The following P4HB variants were observed in gnomAD, a reference collection of about 807,000 sequenced individuals.
P4HB encodes the protein prolyl 4-hydroxylase subunit beta.
In P4HB, 20 loss-of-function variants were observed where a neutral mutation model predicts 52.6. The observed-to-expected ratio is 0.38, with a 90% CI of 0.27 to 0.55. The LOEUF is 0.55. P4HB is among the 20% of genes least tolerant of loss of function. The probability of loss-of-function intolerance (pLI) is 0.74; values close to 1 mark genes in which losing one functional copy is unlikely to be tolerated. For synonymous variants in P4HB, 296 were observed against 277.9 expected, an observed-to-expected ratio of 1.07 and a Z score of -0.65; for missense variants, 601 against 669.2, an observed-to-expected ratio of 0.90 and a Z score of 1.12.
chr17:81,849,674 C>T (rs926009981), intron 4 of P4HB, among the ~76,000 whole-genome samples: 3 of 152,108 alleles, frequency 2.0e-5, no homozygotes, highest in Non-Finnish European at 4.4e-5. Context: ...GAGGCTGTGG[C>T]GCCCCAACCA....
rs1442069870 is a variant in P4HB at position 81,855,733 on chromosome 17, C to T, written c.353-147G>A. ...ATGTTCTCCCACCATGGAAGAGGCCCGGTGCCGTCCGCCCGCCTCCTAAAC... is the reference window on the plus strand; with the variant it reads ...ATGTTCTCCCACCATGGAAGAGGCCTGGTGCCGTCCGCCCGCCTCCTAAAC... On this transcript the variant is annotated intron_variant, in intron 2 of 10. Transcript: ENST00000331483. The surrounding 1 kb of genome is among the most constrained non-coding windows in gnomAD (Gnocchi z 4.3). 5 of 883,546 alleles carry T rather than the reference C, an allele frequency of 5.7e-6. No individual in the cohort carries two copies. The highest frequency in any genetic ancestry group is 6.7e-6 in the Non-Finnish European group (4 of 596,834). The allele number at this position is 883,546 out of a possible 1,614,324, so 54.7% of individuals were successfully genotyped here. A position where few individuals can be genotyped will look rare whatever the true frequency, so the allele number is the denominator to read the frequency against.
rs1480796097 is a variant in P4HB, at chr17:81,846,908, C to G, written c.855+39G>C. On this transcript the variant is annotated intron_variant, in intron 6 of 10. Coordinates refer to ENST00000331483, the MANE Select transcript of P4HB (RefSeq NM_000918.4). This position sits in a 1 kb window ranked among gnomAD's most constrained non-coding sequence, Gnocchi z 5.7. ...ACCTCGGGAAGAGTTGTACTGCTCC[C>G]TGGCACCGCCCCACGAGCCACCCAG... is the stretch of plus-strand genomic sequence containing the variant. The G allele has an allele frequency of 6.2e-7, 1 of 1,611,826 alleles. No homozygotes were observed. Among genetic ancestry groups the G allele is most frequent in the South Asian group, 1.1e-5 (1 of 90,954 alleles).
In P4HB at chr17:81,860,383, C is replaced by A; in HGVS notation, c.89G>T (p.Arg30Leu). ...PEEEDHVLVL[R>L]KSNFAEALAA... ...CAGCGCCTCCGCGAAGTTGCTTTTC[C>A]GCAGCACCAGGACGTGGTCCTCCTC... Residue 30 changes from arginine (R) to leucine (L), a missense_variant, in exon 1 of 11, where the codon CGG becomes CTG. By Grantham distance (102) the Arg-to-Leu change is moderately radical (BLOSUM62 -2). Transcript: ENST00000331483. 1 of 1,473,798 alleles carries A rather than the reference C, an allele frequency of 6.8e-7. No individual in the cohort carries two copies. The highest frequency in any genetic ancestry group is 9.0e-7 in the Non-Finnish European group (1 of 1,111,868). The allele number at this position is 1,473,798 out of a possible 1,614,324, so 91.3% of individuals were successfully genotyped here.
At chr17:81,859,080 G>C in intron 2 of P4HB, 101 bp downstream of exon 2, 1 of 1,067,642 alleles carries the variant, frequency 9.4e-7, no homozygotes, top group Non-Finnish European at 1.4e-6. Context: ...CAAGCCTCTG[G>C]AACCCGGCCT....
chr17:81,852,194 C>T (rs1243120012), intron 4 of P4HB, among the ~76,000 whole-genome samples: 1 of 152,208 alleles, frequency 6.6e-6, no homozygotes, highest in Non-Finnish European at 1.5e-5. Flanking sequence ...ACAACAATAA[C>T]AGGCCCAGTG....
In P4HB at chr17:81,846,862, C is replaced by A; in HGVS notation, c.855+85G>T. ...CCCGATCCAGTCCAGCAGGCAGCCT[C>A]AGGAAGGCCCCACACTTGTCACCTC... On this transcript the variant is annotated intron_variant, in intron 6 of 10. Coordinates refer to ENST00000331483, the MANE Select transcript of P4HB (RefSeq NM_000918.4). The surrounding 1 kb of genome is among the most constrained non-coding windows in gnomAD (Gnocchi z 5.7). The A allele has an allele frequency of 6.5e-7, 1 of 1,541,746 alleles. No homozygotes were observed. Among genetic ancestry groups the A allele is most frequent in the South Asian group, 1.1e-5 (1 of 87,092 alleles).
rs1598270529 is a variant in P4HB, at chr17:81,855,734, G to A, written c.353-148C>T. ...TGTTCTCCCACCATGGAAGAGGCCC[G>A]GTGCCGTCCGCCCGCCTCCTAAACC... On this transcript the variant is annotated intron_variant, in intron 2 of 10. Transcript: ENST00000331483. The surrounding 1 kb of genome is among the most constrained non-coding windows in gnomAD (Gnocchi z 4.3). The A allele has an allele frequency of 1.4e-5, 12 of 884,258 alleles. No individual in the cohort carries two copies. The East Asian group carries it at 1.6e-4, about 12-fold the overall frequency. The allele number at this position is 884,258 out of a possible 1,614,324, so 54.8% of individuals were successfully genotyped here. A position where few individuals can be genotyped will look rare whatever the true frequency, so the allele number is the denominator to read the frequency against.
At chr17:81,859,017 G>T in intron 2 of P4HB, 164 bp downstream of exon 2, 1 of 623,916 alleles carries the variant, frequency 1.6e-6, no homozygotes. Flanking sequence ...CTCCTCACAA[G>T]ACCCTCAGGG....
At chr17:81,853,506 G>A (rs1000518078) in intron 4 of P4HB, among the ~76,000 whole-genome samples, 75 of 151,826 alleles carry the variant, frequency 4.9e-4, no homozygotes, top group African/African-American at 1.7e-3. Flanking sequence ...CCCGTGAGGC[G>A]GAGCTTGCAG....
rs1480047974 is a variant in P4HB, at chr17:81,855,049, G to A, written c.624+93C>T. 8 of 1,293,764 alleles carry A rather than the reference G, an allele frequency of 6.2e-6. No individual in the cohort carries two copies. Among genetic ancestry groups the A allele is most frequent in the African/African-American group, 4.4e-5 (3 of 68,806 alleles). 80.1% of individuals were successfully genotyped at this position (1,293,764 alleles called of 1,614,324 possible). On this transcript the variant is annotated intron_variant, in intron 4 of 10. Coordinates refer to ENST00000331483, the MANE Select transcript of P4HB (RefSeq NM_000918.4). The surrounding 1 kb of genome is among the most constrained non-coding windows in gnomAD (Gnocchi z 4.3). ...ATACCTATTGGGCCAAAGGTGCCAGGAGCAAGGTTCCCTTAACGATAAGGA... is the reference window on the plus strand; with the variant it reads ...ATACCTATTGGGCCAAAGGTGCCAGAAGCAAGGTTCCCTTAACGATAAGGA...
chr17:81,850,814 G>C (rs1427858759), intron 4 of P4HB, among the ~76,000 whole-genome samples: 1 of 152,100 alleles, frequency 6.6e-6, no homozygotes, highest in Non-Finnish European at 1.5e-5. Flanking sequence ...ACTTTTTGTA[G>C]AGACAGTCTT....
rs112897683 is a variant in P4HB, at chr17:81,844,179, G to A, written c.1447-87C>T. 7.1e-3 allele frequency: 6,778 copies of A among 956,842 alleles called. 292 individuals are homozygous for A. In the African/African-American group the frequency reaches 0.094, roughly 13 times the overall value. The allele number at this position is 956,842 out of a possible 1,614,324, so 59.3% of individuals were successfully genotyped here. On this transcript the variant is annotated intron_variant, in intron 10 of 10. Coordinates refer to ENST00000331483, the MANE Select transcript of P4HB (RefSeq NM_000918.4). ...CCCAGCACCCCACACTGCTCACACC[G>A]GGGACTAGCCGGCCACGGCGGACAT...
At chr17:81,849,631 C>T (rs1028144836) in intron 4 of P4HB, among the ~76,000 whole-genome samples, 15 of 152,324 alleles carry the variant, frequency 9.8e-5, no homozygotes, top group Admixed American at 5.2e-4. Flanking sequence ...TAATGCACGG[C>T]AGCTTCAGGG....
rs201628613 is a variant in P4HB at position 81,843,446 on chromosome 17, G to C, written c.*566C>G. Reference sequence around the variant, plus strand: ...TGGCAGCCACCAGCTCCTCTTCCAGGCATGGGGGACACCCTGACAGGATCC... The same window carrying C: ...TGGCAGCCACCAGCTCCTCTTCCAGCCATGGGGGACACCCTGACAGGATCC... On this transcript the variant is annotated 3_prime_UTR_variant, in exon 11 of 11. Transcript: ENST00000331483. The C allele has an allele frequency of 1.7e-5, 7 of 400,026 alleles. No homozygotes were observed. Among genetic ancestry groups the C allele is most frequent in the East Asian group, 3.6e-5 (1 of 28,082 alleles). 24.8% of individuals were successfully genotyped at this position (400,026 alleles called of 1,614,324 possible).
At position 81,845,161 on chromosome 17, in the gene P4HB, C is replaced by G; in HGVS notation, c.1429G>C (p.Gly477Arg). The G allele has an allele frequency of 6.2e-7, 1 of 1,613,334 alleles. No homozygotes were observed. The highest frequency in any genetic ancestry group is 8.5e-7 in the Non-Finnish European group (1 of 1,179,404). The change falls in exon 10 of 11, where the codon GGG becomes CGG. Residue 477 changes from glycine (G) to arginine (R), a missense_variant. Physicochemically the swap from Gly to Arg is moderately radical, Grantham distance 125 (BLOSUM62 -2). Coordinates refer to ENST00000331483, the MANE Select transcript of P4HB (RefSeq NM_000918.4). ...KKFLESGGQD[G>R]AGDDDDLEDL... ...CCACTCACGTCATCATCCCCTGCCC[C>G]ATCCTGGCCACCGCTCTCCAGGAAT... is the stretch of plus-strand genomic sequence containing the variant.
At chr17:81,853,399 C>T (rs768299041) in intron 4 of P4HB, among the ~76,000 whole-genome samples, 2 of 152,000 alleles carry the variant, frequency 1.3e-5, no homozygotes, top group African/African-American at 4.8e-5. Context: ...GGTGAAACCC[C>T]GTCTCTACTA....
intron 2 of P4HB, among the ~76,000 whole-genome samples, chr17:81,858,343 AGGGCACACCTGCTT>A (rs1356014193): frequency 1.3e-5 from 2 of 151,844 alleles, no homozygotes; most frequent in East Asian, 3.9e-4. Flanking sequence ...AGAACAGGAC[AGGGCACACCTGCTT>A]AAGGGGACAA....
intron 4 of P4HB, among the ~76,000 whole-genome samples, chr17:81,854,410 C>G (rs2038881449): frequency 6.6e-6 from 1 of 152,010 alleles, no homozygotes; most frequent in Non-Finnish European, 1.5e-5. Context: ...AGCGTGGTGG[C>G]ACGCGCCTGT....
intron 4 of P4HB, 71 bp from the exon 5 acceptor site, chr17:81,847,418 G>C: frequency 7.4e-7 from 1 of 1,352,462 alleles, no homozygotes; most frequent in Non-Finnish European, 1.1e-6. Flanking sequence ...GGGTCTCCCT[G>C]GACGTGGGAA....
Sources: allele counts gnomAD v4.1 joint callset (sites outside exome capture counted in the v4.1 genomes callset), GRCh38; gene constraint gnomAD v4.1.1; non-coding constraint Gnocchi (gnomAD v3.1); transcripts MANE v1.5; gene names NCBI Gene and HGNC (gene_info 2026-07-23, HGNC 2026-07-21).